GSTO2: variants seen among roughly 807,000 people sequenced by gnomAD.
The protein encoded by GSTO2 is glutathione S-transferase omega 2, also known as glutathione S-transferase omega-2.
GSTO2 carries 23 observed loss-of-function variants against 28.4 expected under a neutral mutation model. The ratio of observed to expected loss-of-function variants is 0.81; its 90% confidence interval spans 0.58 to 1.15. GSTO2 has a LOEUF of 1.15. Among genes scored for constraint, GSTO2 ranks in the 50% most tolerant of loss-of-function variants. The pLI is 0.00. For synonymous variants in GSTO2, 109 were observed against 111.0 expected, an observed-to-expected ratio of 0.98 and a Z score of 0.11; for missense variants, 298 against 297.8, an observed-to-expected ratio of 1.00 and a Z score of 0.00.
In GSTO2 at chr10:104,277,964, A is replaced by T. The variant is rs768876856; in HGVS notation, c.214A>T (p.Ile72Phe). Residue 72 changes from isoleucine (I) to phenylalanine (F), a missense_variant, in exon 4 of 7, where the codon ATT becomes TTT. Ile to Phe is a conservative substitution (Grantham distance 21, BLOSUM62 0). Transcript: ENST00000338595. Reference protein sequence around the residue: ...WYYTKHPFGHIPVLETSQCQL... With the variant: ...WYYTKHPFGHFPVLETSQCQL... ...CTATACAAAGCACCCTTTTGGCCAC[A>T]TTCCTGTCCTGGAGACCAGCCAATG... 1 of 1,614,096 alleles carries T rather than the reference A, an allele frequency of 6.2e-7. No individual in the cohort carries two copies. Among genetic ancestry groups the T allele is most frequent in the Non-Finnish European group, 8.5e-7 (1 of 1,179,984 alleles).
intron 5 of GSTO2, chr10:104,286,082 TTAATAAGTTATTGAGATA>T (rs1564848520): frequency 5.4e-6 from 1 of 186,842 alleles, no homozygotes; most frequent in African/African-American, 2.4e-5. Flanking sequence ...CTAGCTATTT[TTAATAAGTTATTGAGATA>T]TAATTCATAT....
At chr10:104,277,087 T>C (rs1326566067) in intron 3 of GSTO2, among the ~76,000 whole-genome samples, 2 of 152,178 alleles carry the variant, frequency 1.3e-5, no homozygotes, top group Admixed American at 6.5e-5. Flanking sequence ...ACAGAGAGGT[T>C]AGGAATTCGG....
At chr10:104,289,573 A>G (rs2012657153) in intron 5 of GSTO2, among the ~76,000 whole-genome samples, 1 of 152,126 alleles carries the variant, frequency 6.6e-6, no homozygotes, top group Admixed American at 6.5e-5. Flanking sequence ...TCCTCCCTCT[A>G]AGGCTCCTTC....
rs555715543 is a variant in GSTO2 at position 104,275,964 on chromosome 10, A to C, written c.143+630A>C. 2.8e-4 allele frequency among the ~76,000 whole-genome samples: 42 copies of C among 152,330 alleles called. 1 individual carries two copies. Among genetic ancestry groups the C allele is most frequent in the Non-Finnish European group, 1.5e-5 (1 of 68,028 alleles). On this transcript the variant is annotated intron_variant, in intron 3 of 6. Coordinates refer to ENST00000338595, the MANE Select transcript of GSTO2 (RefSeq NM_183239.2). ...TTTCAAGACACCTTGAAAACTTGAG[A>C]AATGGGTACAGATGCTTCCAAAAGG...
At chr10:104,292,697 CTG>C (rs889900375) in intron 5 of GSTO2, among the ~76,000 whole-genome samples, 3 of 152,184 alleles carry the variant, frequency 2.0e-5, no homozygotes, top group Admixed American at 1.3e-4. Context: ...CTCAAGCAGT[CTG>C]TCCACCTCAG....
rs2013315649 is a variant in GSTO2 at position 104,303,359 on chromosome 10, C to T, written c.*4075C>T. The T allele has an allele frequency of 6.6e-6, 1 of 152,182 alleles. No individual in the cohort carries two copies. The highest frequency in any genetic ancestry group is 2.4e-5 in the African/African-American group (1 of 41,434). The allele number at this position is 152,182 out of a possible 1,614,324, so 9.4% of individuals were successfully genotyped here. Reference sequence around the variant, plus strand: ...TTACTGGGAACTGGAGCAAAGGTCACTTTTGTTATGCTTTAGCAAAGAACT... The same window carrying T: ...TTACTGGGAACTGGAGCAAAGGTCATTTTTGTTATGCTTTAGCAAAGAACT... On this transcript the variant is annotated 3_prime_UTR_variant, in exon 7 of 7. Coordinates refer to ENST00000338595, the MANE Select transcript of GSTO2 (RefSeq NM_183239.2).
chr10:104,271,433 T>G (rs1235913321), intron 1 of GSTO2, among the ~76,000 whole-genome samples: 2 of 152,228 alleles, frequency 1.3e-5, no homozygotes, highest in African/African-American at 4.8e-5. Context: ...CTTACTATAC[T>G]GACGATGCCC....
chr10:104,281,576 G>A (rs750561361), intron 5 of GSTO2, among the ~76,000 whole-genome samples: 1 of 152,128 alleles, frequency 6.6e-6, no homozygotes, highest in African/African-American at 2.4e-5. Context: ...CTTTTCCAGG[G>A]CAAATGAACC....
intron 5 of GSTO2, among the ~76,000 whole-genome samples, chr10:104,288,763 A>G (rs996339605): frequency 1.3e-5 from 2 of 152,200 alleles, no homozygotes; most frequent in Non-Finnish European, 2.9e-5. Flanking sequence ...TGATTTGTAA[A>G]AGTTCCTTTT....
intron 5 of GSTO2, among the ~76,000 whole-genome samples, chr10:104,290,330 A>G (rs1193088768): frequency 6.6e-6 from 1 of 151,994 alleles, no homozygotes; most frequent in Non-Finnish European, 1.5e-5. Flanking sequence ...ACATGGTGAA[A>G]CCCTGTCTCT....
At chr10:104,278,263 G>A (rs537213847) in intron 4 of GSTO2, 147 bp downstream of exon 4, 5 of 657,686 alleles carry the variant, frequency 7.6e-6, no homozygotes, top group South Asian at 5.7e-5. Flanking sequence ...CATGGAATTA[G>A]GGTAGAGCAT....
intron 6 of GSTO2, among the ~76,000 whole-genome samples, chr10:104,298,009 A>G (rs891152691): frequency 1.4e-4 from 21 of 152,124 alleles, no homozygotes; most frequent in African/African-American, 4.3e-4. Flanking sequence ...ACAGTGCCCA[A>G]CGCCTCCACC....
intron 5 of GSTO2, among the ~76,000 whole-genome samples, chr10:104,292,545 C>T (rs2012825377): frequency 1.3e-5 from 2 of 152,032 alleles, no homozygotes; most frequent in African/African-American, 4.8e-5. Context: ...TCACTTCAGC[C>T]TCTACCTCCC....
At position 104,299,571 on chromosome 10, in the gene GSTO2, G is replaced by A. The variant is rs2135153820; in HGVS notation, c.*287G>A. On this transcript the variant is annotated 3_prime_UTR_variant, in exon 7 of 7. Coordinates refer to ENST00000338595, the MANE Select transcript of GSTO2 (RefSeq NM_183239.2). ...GCTCACTGCAGCCTTGAACTCCTGG[G>A]CTCAGTTGATTCTCCCGCCTCAGCC... is the stretch of plus-strand genomic sequence containing the variant. 3.0e-6 allele frequency: 1 copy of A among 334,662 alleles called. No homozygotes were observed. Among genetic ancestry groups the A allele is most frequent in the Non-Finnish European group, 5.5e-6 (1 of 181,738 alleles). The allele number at this position is 334,662 out of a possible 1,614,324, so 20.7% of individuals were successfully genotyped here. A position where few individuals can be genotyped will look rare whatever the true frequency, so the allele number is the denominator to read the frequency against.
intron 4 of GSTO2, among the ~76,000 whole-genome samples, chr10:104,278,627 G>A (rs1036742102): frequency 3.3e-5 from 5 of 152,102 alleles, no homozygotes; most frequent in African/African-American, 4.8e-5. Flanking sequence ...GATTACAGGC[G>A]CATGCCACCA....
chr10:104,282,849 T>A (rs1253713328), intron 5 of GSTO2, among the ~76,000 whole-genome samples: 1 of 152,194 alleles, frequency 6.6e-6, no homozygotes, highest in Non-Finnish European at 1.5e-5. Context: ...GATATTCATA[T>A]GCGGGCAGAG....
chr10:104,276,597 T>C (rs1466955042), intron 3 of GSTO2, among the ~76,000 whole-genome samples: 1 of 152,200 alleles, frequency 6.6e-6, no homozygotes, highest in Non-Finnish European at 1.5e-5. Flanking sequence ...ATATGTCCCT[T>C]GGGAAGGAGG....
chr10:104,277,953 CT>C lies in GSTO2; in HGVS notation c.207del (p.Phe69LeufsTer14), dbSNP rs759657759. On this transcript the variant is annotated frameshift_variant, in exon 4 of 7. Coordinates refer to ENST00000338595, the MANE Select transcript of GSTO2 (RefSeq NM_183239.2). LOFTEE classifies it high-confidence loss of function. Reference protein sequence around the residue: ...NKPEWYYTKHPFGHIPVLETS... With the variant: ...NKPEWYYTKHXFGHIPVLETS... ...CCTGAATGGTACTATACAAAGCACC[CT>C]TTTGGCCACATTCCTGTCCTGGAGA... The C allele has an allele frequency of 1.1e-5, 18 of 1,614,066 alleles. No individual in the cohort carries two copies. The South Asian group carries it at 2.0e-4, about 18-fold the overall frequency.
Position 104,275,298 on chromosome 10 carries a change from A to G in GSTO2, c.107A>G (p.His36Arg), listed in dbSNP as rs759631071. Residue 36 changes from histidine (H) to arginine (R), a missense_variant, in exon 3 of 7, where the codon CAC becomes CGC. By Grantham distance (29) the His-to-Arg change is conservative. Coordinates refer to ENST00000338595, the MANE Select transcript of GSTO2 (RefSeq NM_183239.2). ...IYSMRFCPYS[H>R]RTRLVLKAKD... Reference sequence around the variant, plus strand: ...AGCATGAGGTTCTGCCCCTATTCTCACAGGACCCGCCTCGTCCTCAAGGCC... The same window carrying G: ...AGCATGAGGTTCTGCCCCTATTCTCGCAGGACCCGCCTCGTCCTCAAGGCC... The G allele has an allele frequency of 1.9e-6, 3 of 1,613,674 alleles. No homozygotes were observed. The African/African-American group carries it at 4.0e-5, about 22-fold the overall frequency.
Sources: gnomAD v4.1 joint callset for allele counts (sites outside exome capture counted in the v4.1 genomes callset) on GRCh38, gnomAD v4.1.1 for gene constraint, MANE v1.5 for transcripts, NCBI Gene and HGNC (gene_info 2026-07-23, HGNC 2026-07-21) for gene names.